ZNF799: variants seen among roughly 807,000 people sequenced by gnomAD.
The protein encoded by ZNF799 is zinc finger protein 799, also known as zinc finger protein 14.
ZNF799 carries 28 observed loss-of-function variants against 41.0 expected under a neutral mutation model. The observed-to-expected ratio is 0.68, with a 90% CI of 0.51 to 0.94. ZNF799 has a LOEUF of 0.94. ZNF799 is among the 40% of genes least tolerant of loss of function. The pLI is 0.00. For missense variants in ZNF799, 716 were observed against 764.3 expected (o/e 0.94, Z 0.74); for synonymous variants, 213 against 252.9 (o/e 0.84, Z 1.50).
upstream of ZNF799, among the ~76,000 whole-genome samples, chr19:12,401,567 T>TC (rs1761548755): frequency 2.2e-4 from 2 of 9,272 alleles, no homozygotes; most frequent in African/African-American, 1.2e-3. Flanking sequence ...TTTTTTTTTT[T>TC]CCGAGAGAGA....
At chr19:12,414,168 C>T in the ZNF799 span, among the ~76,000 whole-genome samples, 3 of 151,878 alleles carry the variant, frequency 2.0e-5, no homozygotes, top group Admixed American at 2.0e-4. Context: ...GTTCTCACGA[C>T]CCCACCCCAC....
intron 1 of ZNF799, chr19:12,394,795 A>T (rs1266841079): frequency 9.1e-6 from 9 of 985,414 alleles, no homozygotes; most frequent in Non-Finnish European, 1.1e-5. Context: ...CAAATCTAAT[A>T]GAACTCACAG....
intron 1 of ZNF799, chr19:12,400,796 G>T: frequency 1.7e-6 from 1 of 586,594 alleles, no homozygotes; most frequent in Non-Finnish European, 3.0e-6. Flanking sequence ...GCTTACAGCC[G>T]CACAATCTCG....
Position 12,391,228 on chromosome 19 carries a change from A to G in ZNF799, c.1170T>C (p.Asp390=). 1 of 1,614,162 alleles carries G rather than the reference A, an allele frequency of 6.2e-7. No individual in the cohort carries two copies. Among genetic ancestry groups the G allele is most frequent in the Non-Finnish European group, 8.5e-7 (1 of 1,179,998 alleles). ...CACATATCTTGCATTTGTGAGGTCC[A>G]TCTCCAGTGTGCATTGTCATGTGTC... The part of the protein sequence containing the change: ...FRRHMTMHTG[D]GPHKCKICGK... The change falls in exon 4 of 4, where the codon GAT becomes GAC. Residue 390 remains aspartate (D), a synonymous_variant. Transcript: ENST00000430385.
rs764909290 is a variant in ZNF799, at chr19:12,391,946, C to G, written c.452G>C (p.Ser151Thr). The G allele has an allele frequency of 5.6e-6, 9 of 1,614,190 alleles. No individual in the cohort carries two copies. Among genetic ancestry groups the G allele is most frequent in the East Asian group, 2.2e-5 (1 of 44,882 alleles). ...DTHKQRGKAF[S>T]YHNSLQTHER... ...ATGTGTTTGAAGTGAGTTGTGGTAA[C>G]TGAAGGCTTTCCCACGTTGTTTATG... The change falls in exon 4 of 4, where the codon AGT (serine) becomes ACT (threonine). Residue 151 changes from serine (S) to threonine (T), a missense_variant. This residue lies in a region of ZNF799 where 698 missense variants were observed against 713.6 expected (regional missense o/e 0.98). Coordinates refer to ENST00000430385, the MANE Select transcript of ZNF799 (RefSeq NM_001080821.3).
intron 1 of ZNF799, chr19:12,400,603 C>A: frequency 4.5e-6 from 1 of 224,226 alleles, no homozygotes; most frequent in Non-Finnish European, 8.8e-6. Context: ...TCTTCACCTC[C>A]TGTCCCAGGA....
intron 2 of ZNF799, 83 bp from the exon 3 acceptor site, chr19:12,392,746 G>A (rs1296778587): frequency 1.6e-4 from 177 of 1,091,388 alleles, no homozygotes; most frequent in Non-Finnish European, 2.2e-4. Flanking sequence ...CACTGCAATC[G>A]TTCAAAATGC....
chr19:12,407,202 G>A, the ZNF799 span, among the ~76,000 whole-genome samples: 2 of 152,272 alleles, frequency 1.3e-5, no homozygotes, highest in South Asian at 4.1e-4. Flanking sequence ...AGTGGCTCAT[G>A]CCTATAATTC....
chr19:12,407,652 G>A, the ZNF799 span, among the ~76,000 whole-genome samples: 2 of 152,128 alleles, frequency 1.3e-5, no homozygotes, highest in Non-Finnish European at 2.9e-5. Context: ...ATAGATGTTT[G>A]TTCAAACTAA....
intron 1 of ZNF799, 92 bp downstream of exon 1, chr19:12,400,976 C>G: frequency 6.2e-7 from 1 of 1,609,828 alleles, no homozygotes; most frequent in Admixed American, 1.7e-5. Context: ...CCCGGAGTAG[C>G]CCTTGGGGAG....
chr19:12,393,821 T>C, intron 1 of ZNF799: 2 of 1,027,538 alleles, frequency 1.9e-6, no homozygotes, highest in African/African-American at 1.8e-5. Flanking sequence ...TTTCACAAAG[T>C]TGGGCTTTTC....
At chr19:12,397,490 A>G (rs1425234177) in intron 1 of ZNF799, among the ~76,000 whole-genome samples, 1 of 150,846 alleles carries the variant, frequency 6.6e-6, no homozygotes, top group Non-Finnish European at 1.5e-5. Context: ...TCCTGAGCCC[A>G]GGAGTTGGAG....
At chr19:12,397,574 A>AG (rs1275801626) in intron 1 of ZNF799, among the ~76,000 whole-genome samples, 11 of 151,494 alleles carry the variant, frequency 7.3e-5, no homozygotes, top group African/African-American at 2.7e-4. Flanking sequence ...CAAAAAAAAA[A>AG]AAAAAAAGAA....
chr19:12,398,476 A>C (rs1969932082), intron 1 of ZNF799, among the ~76,000 whole-genome samples: 1 of 152,216 alleles, frequency 6.6e-6, no homozygotes, highest in Non-Finnish European at 1.5e-5. Context: ...GATATTTTAT[A>C]CCTCAACAGG....
At position 12,392,588 on chromosome 19, in the gene ZNF799, G is replaced by C. The variant is rs778613946; in HGVS notation, c.191+15C>G. The stretch of plus-strand genomic sequence containing the variant: ...GGCTCCAGGGACATATCTTTCTCTT[G>C]TGAGTATAAATTACCTTAGATTTTT... On this transcript the variant is annotated intron_variant, in intron 3 of 3. Transcript: ENST00000430385. 5.7e-6 allele frequency: 9 copies of C among 1,572,586 alleles called. No homozygotes were observed. The South Asian group carries it at 7.9e-5, about 14-fold the overall frequency.
At chr19:12,398,467 A>G (rs994125884) in intron 1 of ZNF799, among the ~76,000 whole-genome samples, 1 of 152,222 alleles carries the variant, frequency 6.6e-6, no homozygotes, top group African/African-American at 2.4e-5. Context: ...TAAGGCACTG[A>G]TATTTTATAC....
Position 12,391,317 on chromosome 19 carries a change from C to T in ZNF799, c.1081G>A (p.Gly361Arg). 1 of 1,614,184 alleles carries T rather than the reference C, an allele frequency of 6.2e-7. No individual in the cohort carries two copies. Among genetic ancestry groups the T allele is most frequent in the Non-Finnish European group, 8.5e-7 (1 of 1,180,012 alleles). The change falls in exon 4 of 4, where the codon GGA becomes AGA. Residue 361 changes from glycine to arginine, a missense_variant. By Grantham distance (125) the Gly-to-Arg change is moderately radical (BLOSUM62 -2). Around this residue, in one of 2 missense-constraint regions of ZNF799, gnomAD observed 698 missense variants for 713.6 expected, o/e 0.98. Coordinates refer to ENST00000430385, the MANE Select transcript of ZNF799 (RefSeq NM_001080821.3). ...TGCTTGCATTCATAGAGTTTCTCTCCAGTGTGAGTTCTTTCATGACTTTTC... is the reference window on the plus strand; with the variant it reads ...TGCTTGCATTCATAGAGTTTCTCTCTAGTGTGAGTTCTTTCATGACTTTTC... ...SLKSHERTHT[G>R]EKLYECKQCG...
At chr19:12,397,343 T>C (rs1969910088) in intron 1 of ZNF799, among the ~76,000 whole-genome samples, 1 of 151,192 alleles carries the variant, frequency 6.6e-6, no homozygotes, top group Non-Finnish European at 1.5e-5. Context: ...CTGCTTAAGA[T>C]CAAGACTTTG....
At chr19:12,399,192 AGG>A (rs1274606013) in intron 1 of ZNF799, among the ~76,000 whole-genome samples, 57 of 152,316 alleles carry the variant, frequency 3.7e-4, no homozygotes, top group Middle Eastern at 3.4e-3. Context: ...TGCAACAATC[AGG>A]GTGGGTCATC....
Sources: allele counts gnomAD v4.1 joint callset (sites outside exome capture counted in the v4.1 genomes callset), GRCh38; gene constraint gnomAD v4.1.1; regional missense constraint gnomAD v4.1.1; transcripts MANE v1.5; gene names NCBI Gene and HGNC (gene_info 2026-07-23, HGNC 2026-07-21).